The following NTMT1 variants were observed in gnomAD, a reference collection of about 807,000 sequenced individuals.
NTMT1 encodes the protein N-terminal RCC1 methyltransferase.
In NTMT1, 8 loss-of-function variants were observed where a neutral mutation model predicts 17.5. The observed-to-expected ratio is 0.46, with a 90% confidence interval of 0.27 to 0.82. NTMT1 has a LOEUF of 0.82. NTMT1 is among the 40% of genes least tolerant of loss of function. The pLI, the probability that NTMT1 is intolerant of heterozygous loss-of-function variation, is 0.15. For missense variants in NTMT1, 221 were observed against 303.5 expected (o/e 0.73, Z 2.02); for synonymous variants, 128 against 126.8 (o/e 1.01, Z -0.06).
intron 1 of NTMT1, among the ~76,000 whole-genome samples, chr9:129,611,889 G>C (rs1489475663): frequency 6.6e-6 from 1 of 151,990 alleles, no homozygotes; most frequent in Admixed American, 6.5e-5. Context: ...AGTACCTGGG[G>C]CTAGAGGCGT....
chr9:129,612,522 G>A, intron 1 of NTMT1: 1 of 1,269,736 alleles, frequency 7.9e-7, no homozygotes, highest in South Asian at 1.3e-5. Flanking sequence ...GCTCCCAGTG[G>A]GATTCTGTGC....
Position 129,613,629 on chromosome 9 carries a change from C to T in NTMT1, c.-55+4451C>T. The T allele has an allele frequency of 1.2e-6, 2 of 1,612,932 alleles. No individual in the cohort carries two copies. Among genetic ancestry groups the T allele is most frequent in the Non-Finnish European group, 1.7e-6 (2 of 1,179,434 alleles). On this transcript the variant is annotated intron_variant, in intron 1 of 3. Coordinates refer to the NTMT1 transcript ENST00000372486. This position sits in a 1 kb window ranked among gnomAD's most constrained non-coding sequence, Gnocchi z 6.2. ...GAAAGAGGGCAGGGTGAGATCTCTG[C>T]CCAGGAGGAGGGCACTGGTGCCCCC...
Position 129,620,489 on chromosome 9 carries a change from T to C in NTMT1, c.-55+11311T>C. ...CGGGGTCAGCTTGGGCAGCCGCGGG[T>C]CGCTGCTGCGTCGGAAGTCTCCGTC... On this transcript the variant is annotated intron_variant, in intron 1 of 3. Coordinates refer to the NTMT1 transcript ENST00000372486. This position sits in a 1 kb window ranked among gnomAD's most constrained non-coding sequence, Gnocchi z 5.8. The C allele has an allele frequency of 1.4e-6, 2 of 1,398,698 alleles. No homozygotes were observed. The highest frequency in any genetic ancestry group is 9.3e-7 in the Non-Finnish European group (1 of 1,072,612). 86.6% of individuals were successfully genotyped at this position (1,398,698 alleles called of 1,614,324 possible). A position where few individuals can be genotyped will look rare whatever the true frequency, so the allele number is the denominator to read the frequency against.
rs1187770485 is a variant in NTMT1, at chr9:129,626,603, C to G, written c.-55+308C>G. On this transcript the variant is annotated intron_variant, in intron 1 of 3. Transcript: ENST00000372483. The stretch of plus-strand genomic sequence containing the variant: ...CAAATCCCTTTCTCTGAGCCTGTTT[C>G]CCTTCCGAGAAACAGGGATATGGAG... 3.9e-5 allele frequency: 6 copies of G among 152,424 alleles called. No individual in the cohort carries two copies. The South Asian group carries it at 8.3e-4, about 21-fold the overall frequency. The allele number at this position is 152,424 out of a possible 1,614,324, so 9.4% of individuals were successfully genotyped here.
chr9:129,612,136 T>A, intron 1 of NTMT1: 1 of 547,080 alleles, frequency 1.8e-6, no homozygotes, highest in Non-Finnish European at 3.3e-6. Flanking sequence ...GGATGCCCTG[T>A]CCCCACCCCT....
rs544860982 is a variant in NTMT1, at chr9:129,614,784, C to G, written c.-55+5606C>G. Among the ~76,000 whole-genome samples, 18 of 152,094 alleles carry G rather than the reference C, an allele frequency of 1.2e-4. No homozygotes were observed. Among genetic ancestry groups the G allele is most frequent in the African/African-American group, 3.9e-4 (16 of 41,398 alleles). On this transcript the variant is annotated intron_variant, in intron 1 of 3. Coordinates refer to the NTMT1 transcript ENST00000372486. This position sits in a 1 kb window ranked among gnomAD's most constrained non-coding sequence, Gnocchi z 4.4. ...AGGGGCGGTGGCGCATGCCTGTAATCCCAGGTACTCAGGAGGCTGAGGCAG... is the reference window on the plus strand; with the variant it reads ...AGGGGCGGTGGCGCATGCCTGTAATGCCAGGTACTCAGGAGGCTGAGGCAG...
At chr9:129,623,775 A>G (rs77846626), upstream of NTMT1, among the ~76,000 whole-genome samples, 1 of 133,368 alleles carries the variant, frequency 7.5e-6, no homozygotes, top group African/African-American at 2.8e-5. Context: ...TGTCTTTTTT[A>G]ATGGCTGCGA....
intron 1 of NTMT1, among the ~76,000 whole-genome samples, chr9:129,609,937 G>A (rs959321157): frequency 2.6e-4 from 40 of 151,718 alleles, no homozygotes; most frequent in African/African-American, 9.2e-4. Flanking sequence ...GTCCGGGTAT[G>A]TGTGTGGTGT....
In NTMT1 at chr9:129,634,270, G is replaced by A. The variant is rs774050543; in HGVS notation, c.379G>A (p.Asp127Asn). The A allele has an allele frequency of 3.1e-6, 5 of 1,612,228 alleles. No homozygotes were observed. The highest frequency in any genetic ancestry group is 4.2e-6 in the Non-Finnish European group (5 of 1,179,010). ...CGLQDFTPEP[D>N]SYDVIWIQWV... Reference sequence around the variant, plus strand: ...GCTCCAGGACTTCACCCCGGAGCCGGACTCTTACGACGTGATCTGGATCCA... The same window carrying A: ...GCTCCAGGACTTCACCCCGGAGCCGAACTCTTACGACGTGATCTGGATCCA... Residue 127 changes from aspartate (D) to asparagine (N), a missense_variant, in exon 3 of 4, where the codon GAC becomes AAC. Asp to Asn is a conservative substitution (Grantham distance 23, BLOSUM62 1). Transcript: ENST00000372483.
Position 129,620,568 on chromosome 9 carries a change from A to C in NTMT1, c.-55+11390A>C. The C allele has an allele frequency of 7.3e-7, 1 of 1,368,378 alleles. No individual in the cohort carries two copies. Among genetic ancestry groups the C allele is most frequent in the Non-Finnish European group, 9.4e-7 (1 of 1,059,046 alleles). The allele number at this position is 1,368,378 out of a possible 1,614,324, so 84.8% of individuals were successfully genotyped here. ...TGGGCCCCTGGGCGAAGTCGACGCC[A>C]GAACATGCTTGGCCCCGCACTCAGC... On this transcript the variant is annotated intron_variant, in intron 1 of 3. Coordinates refer to the NTMT1 transcript ENST00000372486. The surrounding 1 kb of genome is among the most constrained non-coding windows in gnomAD (Gnocchi z 5.8).
chr9:129,620,671 G>T lies in NTMT1; in HGVS notation c.-55+11493G>T. 1 of 1,142,340 alleles carries T rather than the reference G, an allele frequency of 8.8e-7. No individual in the cohort carries two copies. Among genetic ancestry groups the T allele is most frequent in the Non-Finnish European group, 1.1e-6 (1 of 905,008 alleles). 70.8% of individuals were successfully genotyped at this position (1,142,340 alleles called of 1,614,324 possible). ...GCATAGTCCAGCCCCAGGCCATAGT[G>T]CCCCGGGCGGGGCAGCGCGGTGCGG... is the stretch of plus-strand genomic sequence containing the variant. On this transcript the variant is annotated intron_variant, in intron 1 of 3. Transcript: ENST00000372486. The surrounding 1 kb of genome is among the most constrained non-coding windows in gnomAD (Gnocchi z 5.8).
intron 2 of NTMT1, 119 bp downstream of exon 2, chr9:129,632,984 A>T (rs1200750598): frequency 1.7e-6 from 2 of 1,175,624 alleles, no homozygotes; most frequent in Non-Finnish European, 2.4e-6. Context: ...ATCTCTTGGT[A>T]CCTACCCCAA....
chr9:129,618,449 G>A (rs1830497834), intron 1 of NTMT1, among the ~76,000 whole-genome samples: 1 of 152,160 alleles, frequency 6.6e-6, no homozygotes, highest in South Asian at 2.1e-4. Context: ...TGGACTGATG[G>A]GTGAGTTAAT....
At chr9:129,630,267 GT>G (rs1831093230) in intron 1 of NTMT1, among the ~76,000 whole-genome samples, 1 of 152,182 alleles carries the variant, frequency 6.6e-6, no homozygotes, top group South Asian at 2.1e-4. Context: ...GCAGCCAGGT[GT>G]TTGAGACCAG....
chr9:129,618,750 T>C (rs1290732748), intron 1 of NTMT1, among the ~76,000 whole-genome samples: 1 of 152,040 alleles, frequency 6.6e-6, no homozygotes, highest in Non-Finnish European at 1.5e-5. Context: ...TGGAGTGCAA[T>C]GGCACAATCT....
At chr9:129,622,103 C>T (rs954190472), upstream of NTMT1, among the ~76,000 whole-genome samples, 6 of 152,234 alleles carry the variant, frequency 3.9e-5, no homozygotes, top group African/African-American at 1.4e-4. Flanking sequence ...GGCAGCCAGG[C>T]CTACCCTTTC....
Position 129,620,482 on chromosome 9 carries a change from C to G in NTMT1, c.-55+11304C>G, listed in dbSNP as rs995004659. 1 of 1,387,776 alleles carries G rather than the reference C, an allele frequency of 7.2e-7. No individual in the cohort carries two copies. Among genetic ancestry groups the G allele is most frequent in the African/African-American group, 1.5e-5 (1 of 67,236 alleles). The allele number at this position is 1,387,776 out of a possible 1,614,324, so 86.0% of individuals were successfully genotyped here. ...GCGCGGGCGGGGTCAGCTTGGGCAG[C>G]CGCGGGTCGCTGCTGCGTCGGAAGT... On this transcript the variant is annotated intron_variant, in intron 1 of 3. Coordinates refer to the NTMT1 transcript ENST00000372486. The surrounding 1 kb of genome is among the most constrained non-coding windows in gnomAD (Gnocchi z 5.8).
Position 129,620,683 on chromosome 9 carries a change from G to C in NTMT1, c.-55+11505G>C, listed in dbSNP as rs1830659358. ...CCCAGGCCATAGTGCCCCGGGCGGG[G>C]CAGCGCGGTGCGGGGTGAACGCCAC... On this transcript the variant is annotated intron_variant, in intron 1 of 3. Coordinates refer to the NTMT1 transcript ENST00000372486. The surrounding 1 kb of genome is among the most constrained non-coding windows in gnomAD (Gnocchi z 5.8). The C allele has an allele frequency of 9.5e-6, 10 of 1,050,666 alleles. No individual in the cohort carries two copies. The highest frequency in any genetic ancestry group is 1.2e-5 in the Non-Finnish European group (10 of 822,866). The allele number at this position is 1,050,666 out of a possible 1,614,324, so 65.1% of individuals were successfully genotyped here.
chr9:129,612,869 C>A (rs991704679), intron 1 of NTMT1, among the ~76,000 whole-genome samples: 1 of 152,102 alleles, frequency 6.6e-6, no homozygotes, highest in Non-Finnish European at 1.5e-5. Context: ...AGGGGAGATG[C>A]AGAAAGGAAC....
Sources: gnomAD v4.1 joint callset for allele counts (sites outside exome capture counted in the v4.1 genomes callset) on GRCh38, gnomAD v4.1.1 for gene constraint, Gnocchi (gnomAD v3.1) non-coding constraint, MANE v1.5 for transcripts, NCBI Gene and HGNC (gene_info 2026-07-23, HGNC 2026-07-21) for gene names.